The following DGKD variants were observed in gnomAD, a reference collection of about 807,000 sequenced individuals.
The protein encoded by DGKD is diacylglycerol kinase delta.
DGKD carries 68 observed loss-of-function variants against 154.4 expected under a neutral mutation model. The ratio of observed to expected loss-of-function variants is 0.44; its 90% confidence interval spans 0.36 to 0.54. The LOEUF (loss-of-function observed/expected upper bound fraction) is 0.54. Among genes scored for constraint, DGKD ranks in the 20% least tolerant of loss-of-function variants. DGKD has a pLI of 0.00. For synonymous variants in DGKD, 693 were observed against 638.0 expected, an observed-to-expected ratio of 1.09 and a Z score of -1.30; for missense variants, 1,343 against 1,593.6, an observed-to-expected ratio of 0.84 and a Z score of 2.68.
intron 12 of DGKD, chr2:233,447,718 G>GTA: frequency 9.1e-7 from 1 of 1,093,210 alleles, no homozygotes; most frequent in Non-Finnish European, 1.1e-6. Context: ...ACAGCCAGGT[G>GTA]GAAACAGCCT....
At chr2:233,381,577 T>C (rs1009726266) in intron 1 of DGKD, among the ~76,000 whole-genome samples, 1 of 152,220 alleles carries the variant, frequency 6.6e-6, no homozygotes, top group Non-Finnish European at 1.5e-5. Context: ...TGAAAATGGC[T>C]CCTACTTGGG....
At position 233,441,338 on chromosome 2, in the gene DGKD, G is replaced by A. The variant is rs2062879739; in HGVS notation, c.1086-549G>A. 6.6e-6 allele frequency among the ~76,000 whole-genome samples: 1 copy of A among 152,212 alleles called. No homozygotes were observed. Among genetic ancestry groups the A allele is most frequent in the African/African-American group, 2.4e-5 (1 of 41,460 alleles). On this transcript the variant is annotated intron_variant, in intron 9 of 29. Transcript: ENST00000264057. This position sits in a 1 kb window ranked among gnomAD's most constrained non-coding sequence, Gnocchi z 5.6. ...CAGTGGGGACACGCAGCCCGCAGCA[G>A]GTCAGGCAGCCTGGGGCTCCAGGGT...
intron 3 of DGKD, among the ~76,000 whole-genome samples, chr2:233,410,757 G>T: frequency 6.6e-6 from 1 of 152,138 alleles, no homozygotes; most frequent in East Asian, 1.9e-4. Flanking sequence ...AAGGTGTACA[G>T]TTTGATAGTT....
intron 3 of DGKD, among the ~76,000 whole-genome samples, chr2:233,416,694 CCACCCCATCCCTTCCAGACTTA>C (rs1440655575): frequency 6.6e-6 from 1 of 152,220 alleles, no homozygotes; most frequent in Non-Finnish European, 1.5e-5. Flanking sequence ...TTCTCTCCCT[CCACCCCATCCCTTCCAGACTTA>C]CTACCAGGGA....
chr2:233,390,596 G>A, intron 3 of DGKD, 113 bp downstream of exon 3: 1 of 730,032 alleles, frequency 1.4e-6, no homozygotes, highest in African/African-American at 1.8e-5. Flanking sequence ...TTACTGATTG[G>A]AATGATTGCT....
In DGKD at chr2:233,388,644, G is replaced by T. The variant is rs932322260; in HGVS notation, c.267+277G>T. On this transcript the variant is annotated intron_variant, in intron 2 of 29. Transcript: ENST00000264057. ...CACAGAGACAGCCGCGTTACAGCTGGATATCTCTCTCTCAGAAAGGCGGAG... is the reference window on the plus strand; with the variant it reads ...CACAGAGACAGCCGCGTTACAGCTGTATATCTCTCTCTCAGAAAGGCGGAG... 23 of 271,196 alleles carry T rather than the reference G, an allele frequency of 8.5e-5. No individual in the cohort carries two copies. In the Admixed American group the frequency reaches 9.7e-4, roughly 11 times the overall value. The allele number at this position is 271,196 out of a possible 1,614,324, so 16.8% of individuals were successfully genotyped here.
chr2:233,414,223 TG>T (rs2061900957), intron 3 of DGKD, among the ~76,000 whole-genome samples: 1 of 152,196 alleles, frequency 6.6e-6, no homozygotes, highest in Non-Finnish European at 1.5e-5. Flanking sequence ...ATGACTGCTG[TG>T]GCTACAGACT....
chr2:233,447,587 A>G (rs1402878051), intron 12 of DGKD: 2 of 986,244 alleles, frequency 2.0e-6, no homozygotes, highest in African/African-American at 3.5e-5. Flanking sequence ...TCTGGCCAGT[A>G]GTGAAGTTTG....
chr2:233,459,728 C>T lies in DGKD; in HGVS notation c.2695-29C>T. The T allele has an allele frequency of 6.2e-7, 1 of 1,608,196 alleles. No homozygotes were observed. The highest frequency in any genetic ancestry group is 8.5e-7 in the Non-Finnish European group (1 of 1,176,858). ...TAAACCCCTGGGGGTTTTGGCTCAG[C>T]ATGAGTAATGGCTATGATGTCTGCT... On this transcript the variant is annotated intron_variant, in intron 22 of 29. Coordinates refer to ENST00000264057, the MANE Select transcript of DGKD (RefSeq NM_152879.3). The surrounding 1 kb of genome is among the most constrained non-coding windows in gnomAD (Gnocchi z 5.7).
rs151236343 is a variant in DGKD at position 233,436,375 on chromosome 2, G to A, written c.753G>A (p.Val251=). ...TACCTGTGAGCGCCAAGTGCACTGT[G>A]TGCGACAAGACCTGTGGCAGTGTGC... is the stretch of plus-strand genomic sequence containing the variant. ...GNLPVSAKCT[V]CDKTCGSVLR... The change falls in exon 7 of 30, where the codon GTG becomes GTA. Residue 251 remains valine, a synonymous_variant. Coordinates refer to ENST00000264057, the MANE Select transcript of DGKD (RefSeq NM_152879.3). The A allele has an allele frequency of 2.0e-5, 32 of 1,614,110 alleles. No homozygotes were observed. In the Admixed American group the frequency reaches 2.0e-4, roughly 10 times the overall value.
rs2063941630 is a variant in DGKD, at chr2:233,469,520, T to C, written c.*60T>C. Reference sequence around the variant, plus strand: ...CGCCGCCGAGGCCTAGCCTCCGCCCTCTCAGCCTGTGGCCTCTGCGCCTCC... The same window carrying C: ...CGCCGCCGAGGCCTAGCCTCCGCCCCCTCAGCCTGTGGCCTCTGCGCCTCC... On this transcript the variant is annotated 3_prime_UTR_variant, in exon 30 of 30. Transcript: ENST00000264057. 4.1e-6 allele frequency: 6 copies of C among 1,459,348 alleles called. No homozygotes were observed. The highest frequency in any genetic ancestry group is 4.7e-6 in the Non-Finnish European group (5 of 1,067,232). 90.4% of individuals were successfully genotyped at this position (1,459,348 alleles called of 1,614,324 possible). A position where few individuals can be genotyped will look rare whatever the true frequency, so the allele number is the denominator to read the frequency against.
At chr2:233,450,206 G>C in intron 16 of DGKD, 75 bp downstream of exon 16, 2 of 1,476,352 alleles carry the variant, frequency 1.4e-6, no homozygotes, top group African/African-American at 1.4e-5. Context: ...CTTGCCAGGG[G>C]AGGTTTTAGG....
At position 233,408,061 on chromosome 2, in the gene DGKD, T is replaced by C. The variant is rs936057510; in HGVS notation, c.348+17578T>C. ...GAAAAACTGTTTTTTTTTTTTTTTT[T>C]CAGATGAGTCTCACTCTGTTGCCCA... On this transcript the variant is annotated intron_variant, in intron 3 of 29. Coordinates refer to ENST00000264057, the MANE Select transcript of DGKD (RefSeq NM_152879.3). Among the ~76,000 whole-genome samples, 14 of 151,076 alleles carry C rather than the reference T, an allele frequency of 9.3e-5. No homozygotes were observed. In the South Asian group the frequency reaches 2.7e-3, roughly 29 times the overall value.
intron 1 of DGKD, among the ~76,000 whole-genome samples, chr2:233,355,269 A>G (rs1449092166): frequency 6.6e-6 from 1 of 152,208 alleles, no homozygotes; most frequent in Admixed American, 6.5e-5. Context: ...GGGACCGCGC[A>G]CCCGCTTGGC....
Position 233,459,911 on chromosome 2 carries a change from G to T in DGKD, c.2829+20G>T. The T allele has an allele frequency of 6.2e-7, 1 of 1,611,094 alleles. No homozygotes were observed. The highest frequency in any genetic ancestry group is 1.1e-5 in the South Asian group (1 of 90,620). ...GACAGGGTAAGAGCGGCTGCCCGCG[G>T]TACCTGGGTGGGGTACAGGGCTCAC... On this transcript the variant is annotated intron_variant, in intron 23 of 29. Coordinates refer to ENST00000264057, the MANE Select transcript of DGKD (RefSeq NM_152879.3). The surrounding 1 kb of genome is among the most constrained non-coding windows in gnomAD (Gnocchi z 5.7).
intron 3 of DGKD, among the ~76,000 whole-genome samples, chr2:233,399,910 T>C (rs1357665752): frequency 6.6e-6 from 1 of 152,130 alleles, no homozygotes; most frequent in Non-Finnish European, 1.5e-5. Flanking sequence ...GCTTCTGCTG[T>C]TGTTGGTACT....
chr2:233,418,073 T>C (rs2062004353), intron 3 of DGKD, among the ~76,000 whole-genome samples: 1 of 152,270 alleles, frequency 6.6e-6, no homozygotes, highest in South Asian at 2.1e-4. Flanking sequence ...GGATTATTTA[T>C]ACAGACTAGT....
At chr2:233,467,305 C>T (rs2063853955) in intron 28 of DGKD, 102 bp downstream of exon 28, 2 of 822,686 alleles carry the variant, frequency 2.4e-6, no homozygotes, top group Non-Finnish European at 2.1e-6. Flanking sequence ...CAGCTCCTCC[C>T]TCTTGGTCCC....
intron 3 of DGKD, among the ~76,000 whole-genome samples, chr2:233,433,713 C>A (rs2125586855): frequency 6.6e-6 from 1 of 151,972 alleles, no homozygotes; most frequent in Non-Finnish European, 1.5e-5. Flanking sequence ...TACCATGTAC[C>A]CACAAAAAAA....
Sources: gnomAD v4.1 joint callset for allele counts (sites outside exome capture counted in the v4.1 genomes callset) on GRCh38, gnomAD v4.1.1 for gene constraint, Gnocchi (gnomAD v3.1) non-coding constraint, MANE v1.5 for transcripts, NCBI Gene and HGNC (gene_info 2026-07-23, HGNC 2026-07-21) for gene names.